FGFR2: variants seen among roughly 807,000 people sequenced by gnomAD.
The protein encoded by FGFR2 is fibroblast growth factor receptor 2.
In FGFR2, 19 loss-of-function variants were observed where a neutral mutation model predicts 95.9. That is an observed-to-expected ratio of 0.20 (90% CI 0.14 to 0.29). The LOEUF (loss-of-function observed/expected upper bound fraction) is 0.29, where lower values mean the gene tolerates loss of function less well. Among genes scored for constraint, FGFR2 ranks in the 10% least tolerant of loss-of-function variants. The pLI is 1.00. For missense variants in FGFR2, 707 were observed against 1,056.9 expected, an observed-to-expected ratio of 0.67 and a Z score of 4.59; for synonymous variants, 392 against 393.3, an observed-to-expected ratio of 1.00 and a Z score of 0.04.
chr10:121,547,476 C>A (rs1854697397), intron 5 of FGFR2, among the ~76,000 whole-genome samples: 1 of 151,406 alleles, frequency 6.6e-6, no homozygotes, highest in Non-Finnish European at 1.5e-5. Flanking sequence ...CTCCCTGCAG[C>A]CCCAAACTCC....
intron 13 of FGFR2, among the ~76,000 whole-genome samples, chr10:121,489,719 C>CT (rs1242339275): frequency 2.6e-5 from 4 of 152,186 alleles, no homozygotes; most frequent in Non-Finnish European, 5.9e-5. Context: ...CACCGGTATT[C>CT]TTTACACATT....
chr10:121,547,468 C>T (rs1329287650), intron 5 of FGFR2, among the ~76,000 whole-genome samples: 1 of 150,898 alleles, frequency 6.6e-6, no homozygotes, highest in East Asian at 2.0e-4. Context: ...AATCACAGCT[C>T]CCTGCAGCCC....
chr10:121,582,134 G>A (rs999938610), intron 2 of FGFR2, among the ~76,000 whole-genome samples: 12 of 151,932 alleles, frequency 7.9e-5, no homozygotes, highest in Non-Finnish European at 1.5e-4. Flanking sequence ...GTTTCACCAT[G>A]TTGGCCAGGC....
At chr10:121,595,457 C>T (rs3135714) in intron 1 of FGFR2, among the ~76,000 whole-genome samples, 1 of 151,748 alleles carries the variant, frequency 6.6e-6, no homozygotes, top group South Asian at 2.1e-4. Context: ...GGTGTGTGTG[C>T]GTGCATGGTG....
chr10:121,556,952 T>C (rs1388418892), intron 4 of FGFR2, among the ~76,000 whole-genome samples: 1 of 152,214 alleles, frequency 6.6e-6, no homozygotes, highest in Non-Finnish European at 1.5e-5. Flanking sequence ...AGTTCTGCTT[T>C]CAGTTTGGTA....
Position 121,485,618 on chromosome 10 carries a change from C to T in FGFR2, c.2058-86G>A. On this transcript the variant is annotated intron_variant, in intron 15 of 17. Coordinates refer to ENST00000358487, the MANE Select transcript of FGFR2 (RefSeq NM_000141.5). The surrounding 1 kb of genome is among the most constrained non-coding windows in gnomAD (Gnocchi z 4.2). ...CGCCCAGCTGAGACATAAACACCTC[C>T]TCACTTCTGAAGTTCAAAGACAAAT... 6.3e-7 allele frequency: 1 copy of T among 1,581,200 alleles called. No individual in the cohort carries two copies. The highest frequency in any genetic ancestry group is 8.7e-7 in the Non-Finnish European group (1 of 1,155,126).
intron 8 of FGFR2, among the ~76,000 whole-genome samples, chr10:121,516,755 G>A (rs1849749527): frequency 6.6e-6 from 1 of 152,210 alleles, no homozygotes; most frequent in South Asian, 2.1e-4. Context: ...GCAGGAGCAT[G>A]CTTTGCAATG....
At chr10:121,511,347 C>T (rs559349625) in intron 9 of FGFR2, among the ~76,000 whole-genome samples, 34 of 152,130 alleles carry the variant, frequency 2.2e-4, no homozygotes, top group African/African-American at 7.5e-4. Context: ...CTGATGTGCT[C>T]GATGTAAAAC....
intron 13 of FGFR2, 113 bp downstream of exon 13, chr10:121,496,419 T>C: frequency 2.9e-6 from 3 of 1,038,484 alleles, no homozygotes; most frequent in Non-Finnish European, 4.5e-6. Flanking sequence ...TTCCAGGTTG[T>C]ACAAGACATG....
intron 17 of FGFR2, among the ~76,000 whole-genome samples, chr10:121,481,431 T>C (rs1397511122): frequency 6.6e-6 from 1 of 151,664 alleles, no homozygotes; most frequent in African/African-American, 2.4e-5. Flanking sequence ...CAAAACCCTC[T>C]AATTCATCAC....
intron 2 of FGFR2, among the ~76,000 whole-genome samples, chr10:121,593,218 C>T (rs1360678798): frequency 6.6e-6 from 1 of 152,188 alleles, no homozygotes; most frequent in East Asian, 1.9e-4. Flanking sequence ...TCTGAGATGT[C>T]AAGCCTCTCT....
At chr10:121,501,005 A>T in intron 10 of FGFR2, 58 bp from the exon 11 acceptor site, 1 of 1,607,562 alleles carries the variant, frequency 6.2e-7, no homozygotes, top group Non-Finnish European at 8.5e-7. Flanking sequence ...GTAGTGAGGG[A>T]AATTCCAGAA....
chr10:121,498,619 G>A lies in FGFR2; in HGVS notation c.1562-14C>T, dbSNP rs1442252098. 1 of 1,609,632 alleles carries A rather than the reference G, an allele frequency of 6.2e-7. No individual in the cohort carries two copies. The highest frequency in any genetic ancestry group is 8.5e-7 in the Non-Finnish European group (1 of 1,175,964). ...CTGTGGCATCATCTATGAACAGTAGGCATATTCACAAATCAGTTCATTTCC... is the reference window on the plus strand; with the variant it reads ...CTGTGGCATCATCTATGAACAGTAGACATATTCACAAATCAGTTCATTTCC... On this transcript the variant is annotated splice_polypyrimidine_tract_variant and intron_variant, in intron 11 of 17. Transcript: ENST00000358487.
rs747735607 is a variant in FGFR2 at position 121,498,646 on chromosome 10, C to T, written c.1562-41G>A. ...ATATTCACAAATCAGTTCATTTCCT[C>T]TAACTCATGGGCAGCTACTGTTAGT... On this transcript the variant is annotated intron_variant, in intron 11 of 17. Coordinates refer to ENST00000358487, the MANE Select transcript of FGFR2 (RefSeq NM_000141.5). The T allele has an allele frequency of 1.3e-5, 20 of 1,536,040 alleles. No homozygotes were observed. The South Asian group carries it at 1.9e-4, about 15-fold the overall frequency.
rs1163249960 is a variant in FGFR2, at chr10:121,552,940, C to T, written c.455-1481G>A. ...CTAGGCAGGGGCTTTGTCTCTGATG[C>T]ATATTTAGAAGTCTCCTCTATTCTA... On this transcript the variant is annotated intron_variant, in intron 4 of 17. Coordinates refer to ENST00000358487, the MANE Select transcript of FGFR2 (RefSeq NM_000141.5). Among the ~76,000 whole-genome samples, 5 of 152,270 alleles carry T rather than the reference C, an allele frequency of 3.3e-5. No individual in the cohort carries two copies. In the East Asian group the frequency reaches 7.7e-4, roughly 24 times the overall value.
At chr10:121,504,024 T>A (rs1419821549) in intron 9 of FGFR2, 83 bp from the exon 10 acceptor site, 3 of 1,543,060 alleles carry the variant, frequency 1.9e-6, no homozygotes, top group Admixed American at 1.8e-5. Context: ...AGCCAGAGTA[T>A]CGAATCTTAG....
chr10:121,585,569 T>A (rs1469658381), intron 2 of FGFR2, among the ~76,000 whole-genome samples: 3 of 152,198 alleles, frequency 2.0e-5, no homozygotes, highest in Admixed American at 6.5e-5. Context: ...AGAGAGGTTA[T>A]CTAACTTTTC....
rs1853705076 is a variant in FGFR2 at position 121,541,302 on chromosome 10, T to G, written c.625-2587A>C. ...CCAAATTTTATGAGCTGTAGCATTTTCCAAATGGATGCTCTTAAATCCACC... is the reference window on the plus strand; with the variant it reads ...CCAAATTTTATGAGCTGTAGCATTTGCCAAATGGATGCTCTTAAATCCACC... On this transcript the variant is annotated intron_variant, in intron 5 of 17. Transcript: ENST00000358487. 2.0e-5 allele frequency among the ~76,000 whole-genome samples: 3 copies of G among 152,216 alleles called. No homozygotes were observed. In the South Asian group the frequency reaches 6.2e-4, roughly 31 times the overall value.
At chr10:121,532,092 A>C (rs1162091225) in intron 6 of FGFR2, among the ~76,000 whole-genome samples, 2 of 152,180 alleles carry the variant, frequency 1.3e-5, no homozygotes, top group African/African-American at 4.8e-5. Context: ...TAGGACACCA[A>C]GTCTTACACT....
Sources: allele counts gnomAD v4.1 joint callset (sites outside exome capture counted in the v4.1 genomes callset), GRCh38; gene constraint gnomAD v4.1.1; non-coding constraint Gnocchi (gnomAD v3.1); transcripts MANE v1.5; gene names NCBI Gene and HGNC (gene_info 2026-07-23, HGNC 2026-07-21).